Variants in EIF4B observed in about 807,000 individuals in gnomAD.
EIF4B encodes eukaryotic translation initiation factor 4B.
EIF4B carries 8 observed loss-of-function variants against 79.3 expected under a neutral mutation model. The observed-to-expected ratio is 0.10, with a 90% CI of 0.06 to 0.18. The LOEUF (loss-of-function observed/expected upper bound fraction) is 0.18. Among genes scored for constraint, EIF4B ranks in the 10% least tolerant of loss-of-function variants. EIF4B has a pLI of 1.00. For synonymous variants in EIF4B, 238 were observed against 274.7 expected, an observed-to-expected ratio of 0.87 and a Z score of 1.32; for missense variants, 515 against 792.4, an observed-to-expected ratio of 0.65 and a Z score of 4.20.
intron 5 of EIF4B, 123 bp downstream of exon 5, chr12:53,021,983 A>T: frequency 8.2e-7 from 1 of 1,218,964 alleles, no homozygotes; most frequent in Non-Finnish European, 1.2e-6. Flanking sequence ...AACAGTTTTC[A>T]ATCAGTTTTG....
chr12:53,008,297 C>G (rs1040387997), intron 1 of EIF4B, among the ~76,000 whole-genome samples: 4 of 152,232 alleles, frequency 2.6e-5, no homozygotes, highest in African/African-American at 9.6e-5. Flanking sequence ...ACGTCCCATT[C>G]TCTTGTTCTT....
chr12:53,035,408 G>A (rs370602791), intron 10 of EIF4B, among the ~76,000 whole-genome samples: 430 of 148,636 alleles, frequency 2.9e-3, no homozygotes, highest in South Asian at 8.1e-3. Flanking sequence ...TCGCTCTGTC[G>A]CCCAGGCTGG....
chr12:53,021,038 A>C (rs1158058094), intron 4 of EIF4B, among the ~76,000 whole-genome samples: 1 of 152,166 alleles, frequency 6.6e-6, no homozygotes, highest in East Asian at 1.9e-4. Flanking sequence ...TGTTTAATAT[A>C]GTTTTGGGTA....
chr12:53,040,480 A>T lies in EIF4B; in HGVS notation c.*257A>T. On this transcript the variant is annotated 3_prime_UTR_variant, in exon 15 of 15. Transcript: ENST00000262056. ...TTTAGAGGAAAAGTTGTGGTGCGTT[A>T]TGTCACCATGCAGTTGCCAGTGTGA... The T allele has an allele frequency of 2.6e-6, 1 of 379,412 alleles. No individual in the cohort carries two copies. The highest frequency in any genetic ancestry group is 4.0e-5 in the Admixed American group (1 of 25,198). 23.5% of individuals were successfully genotyped at this position (379,412 alleles called of 1,614,324 possible).
chr12:53,038,125 A>G (rs2120987357), intron 11 of EIF4B: 1 of 343,606 alleles, frequency 2.9e-6, no homozygotes, highest in East Asian at 5.4e-5. Flanking sequence ...CCAAAAGAAA[A>G]GAAAATAGCA....
At chr12:53,020,269 C>G (rs1042817602) in intron 4 of EIF4B, among the ~76,000 whole-genome samples, 4 of 152,168 alleles carry the variant, frequency 2.6e-5, no homozygotes, top group African/African-American at 9.7e-5. Flanking sequence ...GGAAGAAACC[C>G]ACCACACACC....
At chr12:53,011,100 C>CA (rs1357880597) in intron 1 of EIF4B, among the ~76,000 whole-genome samples, 12 of 152,010 alleles carry the variant, frequency 7.9e-5, no homozygotes, top group Admixed American at 6.6e-5. Flanking sequence ...CACGTCTCTA[C>CA]AAAAAAAATT....
At chr12:53,038,484 G>A in intron 12 of EIF4B, 73 bp downstream of exon 12, 1 of 1,443,514 alleles carries the variant, frequency 6.9e-7, no homozygotes, top group Non-Finnish European at 9.4e-7. Context: ...ATTAGATTTT[G>A]AAGAGCAGTG....
At chr12:53,020,342 C>G (rs1943227896) in intron 4 of EIF4B, among the ~76,000 whole-genome samples, 1 of 152,128 alleles carries the variant, frequency 6.6e-6, no homozygotes, top group African/African-American at 2.4e-5. Context: ...TATGGCATTG[C>G]TTTTTCAAAG....
chr12:53,016,614 A>G lies in EIF4B; in HGVS notation c.151+4A>G. The G allele has an allele frequency of 1.3e-6, 2 of 1,570,656 alleles. No homozygotes were observed. The highest frequency in any genetic ancestry group is 1.4e-5 in the African/African-American group (1 of 72,780). On this transcript the variant is annotated splice_donor_region_variant and intron_variant, in intron 2 of 14. Coordinates refer to ENST00000262056, the MANE Select transcript of EIF4B (RefSeq NM_001417.7). ...ACGGATGACCTGGAAGGAGATGGTAACTTTTCTTTTGTCATCGTGTTTGGA... is the reference window on the plus strand; with the variant it reads ...ACGGATGACCTGGAAGGAGATGGTAGCTTTTCTTTTGTCATCGTGTTTGGA...
At chr12:53,033,781 T>C (rs1943489314) in intron 8 of EIF4B, 25 bp from the exon 9 acceptor site, 1 of 1,562,966 alleles carries the variant, frequency 6.4e-7, no homozygotes. Context: ...TGGAAAACTA[T>C]TACTTAAAGT....
intron 10 of EIF4B, among the ~76,000 whole-genome samples, chr12:53,035,331 G>C (rs1943521054): frequency 6.6e-6 from 1 of 151,228 alleles, no homozygotes; most frequent in East Asian, 1.9e-4. Flanking sequence ...TGGAACTGTA[G>C]GCATGCACCA....
chr12:53,007,667 C>T (rs965545650), intron 1 of EIF4B, among the ~76,000 whole-genome samples: 2 of 152,108 alleles, frequency 1.3e-5, no homozygotes, highest in African/African-American at 2.4e-5. Flanking sequence ...ACCTTGCATT[C>T]TTCAAAACAT....
At chr12:53,039,122 G>A in intron 12 of EIF4B, 116 bp from the exon 13 acceptor site, 1 of 680,476 alleles carries the variant, frequency 1.5e-6, no homozygotes, top group South Asian at 1.9e-5. Context: ...GTTGGGGTGA[G>A]GTTAGTTTCC....
At chr12:53,019,028 A>C (rs1226134284) in intron 3 of EIF4B, 22 bp downstream of exon 3, 2 of 1,609,022 alleles carry the variant, frequency 1.2e-6, no homozygotes, top group Non-Finnish European at 1.7e-6. Context: ...AGTTGTAATA[A>C]TTAACTAGAT....
chr12:53,008,911 T>G (rs1001935964), intron 1 of EIF4B, among the ~76,000 whole-genome samples: 5 of 152,018 alleles, frequency 3.3e-5, no homozygotes, highest in African/African-American at 1.2e-4. Context: ...GTCGCGTGCT[T>G]GTAATCCCAG....
intron 6 of EIF4B, 52 bp from the exon 7 acceptor site, chr12:53,027,722 CGTGTTTCT>C: frequency 2.6e-6 from 4 of 1,561,176 alleles, no homozygotes; most frequent in Non-Finnish European, 2.6e-6. Context: ...GATAGCTTAC[CGTGTTTCT>C]ATTAATGGTG....
At chr12:53,006,721 C>A (rs1942966964) in intron 1 of EIF4B, among the ~76,000 whole-genome samples, 1 of 151,624 alleles carries the variant, frequency 6.6e-6, no homozygotes, top group South Asian at 2.1e-4. Flanking sequence ...ACCCTTTCTG[C>A]GCGAGATTGG....
chr12:53,023,605 C>G (rs1233840835), intron 6 of EIF4B, among the ~76,000 whole-genome samples: 1 of 105,854 alleles, frequency 9.4e-6, no homozygotes, highest in Non-Finnish European at 1.7e-5. Context: ...TTTTTTGAGA[C>G]AGAGTTTCGC....
Sources: allele counts gnomAD v4.1 joint callset (sites outside exome capture counted in the v4.1 genomes callset), GRCh38; gene constraint gnomAD v4.1.1; transcripts MANE v1.5; gene names NCBI Gene and HGNC (gene_info 2026-07-23, HGNC 2026-07-21).